Variants in TRPM3 observed in about 807,000 individuals in gnomAD.
TRPM3 encodes the protein long transient receptor potential channel 3.
In TRPM3, 77 loss-of-function variants were observed where a neutral mutation model predicts 181.2. The ratio of observed to expected loss-of-function variants is 0.42; its 90% CI spans 0.35 to 0.51. TRPM3 has a LOEUF of 0.51. Among genes scored for constraint, TRPM3 ranks in the 20% least tolerant of loss-of-function variants. The pLI is 0.01. For missense variants in TRPM3, 1,759 were observed against 2,196.7 expected, an observed-to-expected ratio of 0.80 and a Z score of 3.98; for synonymous variants, 745 against 796.4, an observed-to-expected ratio of 0.94 and a Z score of 1.09.
In TRPM3 at chr9:70,536,687, T is replaced by C. The variant is rs1325661146; in HGVS notation, c.4426A>G (p.Ile1476Val). The change falls in exon 26 of 26, where the codon ATC becomes GTC. Residue 1476 changes from isoleucine to valine, a missense_variant. Ile to Val is a conservative substitution (Grantham distance 29, BLOSUM62 3). This residue lies in a region of TRPM3 where 612 missense variants were observed against 590.0 expected (regional missense o/e 1.04). Transcript: ENST00000677713. ...AAAGATCTAGTGTCCATGGAGGTGA[T>C]GTCCTCAAAATCAATGCTCCGGCTT... is the stretch of plus-strand genomic sequence containing the variant. ...PPSRSIDFEDITSMDTRSFSS... is the reference protein window; with the variant it reads ...PPSRSIDFEDVTSMDTRSFSS... 3 of 1,614,054 alleles carry C rather than the reference T, an allele frequency of 1.9e-6. No individual in the cohort carries two copies. Among genetic ancestry groups the C allele is most frequent in the Non-Finnish European group, 1.7e-6 (2 of 1,180,008 alleles).
intron 22 of TRPM3, among the ~76,000 whole-genome samples, chr9:70,587,157 T>A (rs1363216981): frequency 6.6e-6 from 1 of 152,144 alleles, no homozygotes. Flanking sequence ...ATTAAGTAGA[T>A]TGGATAGCTA....
chr9:71,235,626 T>C (rs2081314087), intron 1 of TRPM3, among the ~76,000 whole-genome samples: 1 of 152,248 alleles, frequency 6.6e-6, no homozygotes, highest in Non-Finnish European at 1.5e-5. Context: ...GATACATTTT[T>C]AGCTTTGGTG....
chr9:70,536,077 G>C lies in TRPM3; in HGVS notation c.5036C>G (p.Ala1679Gly). The part of the protein sequence containing the change: ...SDKLDRQRNT[A>G]SLRNPFQRSK... Reference sequence around the variant, plus strand: ...TCTCTGGAAGGGATTTCGCAGGCTTGCTGTGTTCCGCTGCCTGTCGAGTTT... The same window carrying C: ...TCTCTGGAAGGGATTTCGCAGGCTTCCTGTGTTCCGCTGCCTGTCGAGTTT... Residue 1679 changes from alanine to glycine, a missense_variant, in exon 26 of 26, where the codon GCA becomes GGA. Ala to Gly is a moderately conservative substitution (Grantham distance 60). Around this residue, in one of 8 missense-constraint regions of TRPM3, gnomAD observed 612 missense variants for 590.0 expected, o/e 1.04. Coordinates refer to ENST00000677713, the MANE Select transcript of TRPM3 (RefSeq NM_001366145.2). 1 of 1,614,184 alleles carries C rather than the reference G, an allele frequency of 6.2e-7. No homozygotes were observed.
intron 1 of TRPM3, among the ~76,000 whole-genome samples, chr9:71,001,582 C>A (rs1208601263): frequency 6.6e-6 from 1 of 152,158 alleles, no homozygotes; most frequent in Admixed American, 6.5e-5. Flanking sequence ...AAGCCAGGAA[C>A]AACAGAGACA....
At position 71,215,033 on chromosome 9, in the gene TRPM3, C is replaced by CAAAA. The variant is rs67349189; in HGVS notation, c.183+231616_183+231619dup. Among the ~76,000 whole-genome samples the CAAAA allele has an allele frequency of 8.9e-3, 941 of 105,380 alleles. 9 individuals are homozygous for CAAAA. The highest frequency in any genetic ancestry group is 0.012 in the East Asian group (46 of 3,770). 69.1% of individuals were successfully genotyped at this position (105,380 alleles called of 152,430 possible). On this transcript the variant is annotated intron_variant, in intron 1 of 24. Transcript: ENST00000357533. ...CTGTTCACTCTGCCTCACCAAAAAA[C>CAAAA]AAAAAAAAAAAAACAAAAAAAAAAA...
At chr9:70,584,104 A>G (rs1012643916) in intron 22 of TRPM3, among the ~76,000 whole-genome samples, 1 of 152,068 alleles carries the variant, frequency 6.6e-6, no homozygotes, top group African/African-American at 2.4e-5. Flanking sequence ...CAGTGGCGCA[A>G]TAATGTGTCA....
chr9:70,568,611 T>C (rs58649393), intron 22 of TRPM3, among the ~76,000 whole-genome samples: 3,980 of 152,342 alleles, frequency 0.026, 159 homozygotes, highest in East Asian at 0.098. Flanking sequence ...GATACTATTA[T>C]TATGGCCATT....
At chr9:70,793,066 T>C (rs1409507607) in intron 6 of TRPM3, among the ~76,000 whole-genome samples, 1 of 152,160 alleles carries the variant, frequency 6.6e-6, no homozygotes, top group African/African-American at 2.4e-5. Flanking sequence ...TTTAAAAATA[T>C]AAAATAACTT....
chr9:70,541,265 C>T, intron 25 of TRPM3, among the ~76,000 whole-genome samples: 1 of 152,108 alleles, frequency 6.6e-6, no homozygotes, highest in East Asian at 1.9e-4. Flanking sequence ...CTTGTCAAAC[C>T]TTAACTGTCC....
chr9:71,148,263 A>G (rs960564171), intron 1 of TRPM3, among the ~76,000 whole-genome samples: 8 of 152,220 alleles, frequency 5.3e-5, no homozygotes, highest in Non-Finnish European at 1.5e-5. Flanking sequence ...TTAAAATATT[A>G]GAACATGTAA....
chr9:70,759,053 A>G (rs1037149980), intron 8 of TRPM3, among the ~76,000 whole-genome samples: 2 of 152,214 alleles, frequency 1.3e-5, no homozygotes, highest in Non-Finnish European at 2.9e-5. Context: ...CAACCTACAG[A>G]ATGAGATAAA....
chr9:70,615,965 C>T lies in TRPM3; in HGVS notation c.2469G>A (p.Glu823=), dbSNP rs1170265152. The T allele has an allele frequency of 6.2e-7, 1 of 1,613,174 alleles. No homozygotes were observed. Among genetic ancestry groups the T allele is most frequent in the East Asian group, 2.2e-5 (1 of 44,808 alleles). The change falls in exon 18 of 26, where the codon GAG becomes GAA. Residue 823 remains glutamate (E), a synonymous_variant. Coordinates refer to ENST00000677713, the MANE Select transcript of TRPM3 (RefSeq NM_001366145.2). ...TTGTGGGCTTCTCTGGTTCTTCTGC[C>T]TCCTTCTCTTGGAGGTGGATTTCCT... ...QAQEIHLQEK[E]AEEPEKPTKE...
intron 21 of TRPM3, among the ~76,000 whole-genome samples, chr9:70,592,897 T>A (rs942258672): frequency 2.0e-5 from 3 of 151,918 alleles, no homozygotes; most frequent in Non-Finnish European, 4.4e-5. Flanking sequence ...GCCCCGCTAA[T>A]TTTTTTGTAT....
intron 6 of TRPM3, among the ~76,000 whole-genome samples, chr9:70,798,077 T>G (rs1588495435): frequency 6.6e-6 from 1 of 152,024 alleles, no homozygotes; most frequent in African/African-American, 2.4e-5. Flanking sequence ...TATCTTGAGA[T>G]AGGGTCTCAC....
intron 9 of TRPM3, among the ~76,000 whole-genome samples, chr9:70,652,605 T>C (rs1452465743): frequency 1.3e-5 from 2 of 152,252 alleles, no homozygotes; most frequent in Non-Finnish European, 2.9e-5. Context: ...TCTCATTTAA[T>C]GCTCACAAAA....
At chr9:71,042,446 C>T (rs746635483) in intron 1 of TRPM3, among the ~76,000 whole-genome samples, 4 of 152,116 alleles carry the variant, frequency 2.6e-5, no homozygotes, top group East Asian at 1.9e-4. Flanking sequence ...ACATGAAGAA[C>T]GGAATGTATC....
At chr9:71,089,437 G>T (rs547632634) in intron 1 of TRPM3, among the ~76,000 whole-genome samples, 1 of 151,612 alleles carries the variant, frequency 6.6e-6, no homozygotes, top group Non-Finnish European at 1.5e-5. Flanking sequence ...AACAGACTGT[G>T]TCTATATTAT....
intron 1 of TRPM3, among the ~76,000 whole-genome samples, chr9:71,263,051 C>T (rs781105906): frequency 2.0e-5 from 3 of 152,146 alleles, no homozygotes; most frequent in South Asian, 2.1e-4. Context: ...ACAAACATGA[C>T]GATGGCTTTA....
intron 9 of TRPM3, among the ~76,000 whole-genome samples, chr9:70,667,040 A>AAGAC (rs2061941871): frequency 6.6e-6 from 1 of 151,594 alleles, no homozygotes; most frequent in Non-Finnish European, 1.5e-5. Flanking sequence ...GAGGCTATTA[A>AAGAC]AGACAGTATT....
Sources: allele counts gnomAD v4.1 joint callset (sites outside exome capture counted in the v4.1 genomes callset), GRCh38; gene constraint gnomAD v4.1.1; regional missense constraint gnomAD v4.1.1; transcripts MANE v1.5; gene names NCBI Gene and HGNC (gene_info 2026-07-23, HGNC 2026-07-21).